The following FHOD3 variants were observed in gnomAD, a reference collection of about 807,000 sequenced individuals.
The protein encoded by FHOD3 is FH1/FH2 domain-containing protein 3.
In FHOD3, 90 loss-of-function variants were observed where a neutral mutation model predicts 173.0. The ratio of observed to expected loss-of-function variants is 0.52; its 90% CI spans 0.44 to 0.62. FHOD3 has a LOEUF of 0.62. Ranked by LOEUF, FHOD3 falls within the 20% of genes least tolerant of loss-of-function variation. FHOD3 has a pLI of 0.00. For missense variants in FHOD3, 1,945 were observed against 2,034.7 expected (o/e 0.96, Z 0.85); for synonymous variants, 828 against 823.0 (o/e 1.01, Z -0.10).
intron 16 of FHOD3, 33 bp downstream of exon 16, chr18:36,687,211 A>G (rs909398734): frequency 6.5e-7 from 1 of 1,527,684 alleles, no homozygotes; most frequent in Non-Finnish European, 9.0e-7. Context: ...ATTGTAACAA[A>G]TGGCATGTGA....
chr18:36,399,269 G>A (rs1478557725), intron 3 of FHOD3, among the ~76,000 whole-genome samples: 1 of 152,190 alleles, frequency 6.6e-6, no homozygotes, highest in Non-Finnish European at 1.5e-5. Flanking sequence ...GTCCCAAGGA[G>A]GGCAAGCATC....
intron 5 of FHOD3, among the ~76,000 whole-genome samples, chr18:36,539,511 GC>G (rs111692415): frequency 0.012 from 1,885 of 152,304 alleles, 42 homozygotes; most frequent in African/African-American, 0.042. Context: ...GCTCAGACGT[GC>G]CTGGAGTGGT....
chr18:36,477,540 C>T (rs375034635), intron 3 of FHOD3, among the ~76,000 whole-genome samples: 2 of 108,524 alleles, frequency 1.8e-5, no homozygotes, highest in Non-Finnish European at 1.9e-5. Context: ...CCCACCCACC[C>T]ACCCACCTAC....
At chr18:36,355,733 A>G (rs1461667411) in intron 2 of FHOD3, 88 bp downstream of exon 2, 3 of 1,063,520 alleles carry the variant, frequency 2.8e-6, no homozygotes, top group Non-Finnish European at 4.2e-6. Context: ...AGGAGGAACT[A>G]CCATGGCTTT....
intron 3 of FHOD3, among the ~76,000 whole-genome samples, chr18:36,497,365 C>T (rs553789822): frequency 1.3e-5 from 2 of 152,152 alleles, no homozygotes; most frequent in Non-Finnish European, 2.9e-5. Flanking sequence ...TGCCTGAGGT[C>T]TTTGGTTCTA....
intron 10 of FHOD3, among the ~76,000 whole-genome samples, chr18:36,645,232 C>A (rs769674320): frequency 6.6e-5 from 10 of 151,884 alleles, no homozygotes; most frequent in Non-Finnish European, 1.2e-4. Context: ...ACCAGCCTGG[C>A]AAACATGGTA....
At chr18:36,326,837 A>G (rs1475315412) in intron 1 of FHOD3, among the ~76,000 whole-genome samples, 2 of 152,202 alleles carry the variant, frequency 1.3e-5, no homozygotes, top group East Asian at 1.9e-4. Context: ...TTGGTTTGTG[A>G]AAAAGTCCAA....
intron 20 of FHOD3, among the ~76,000 whole-genome samples, chr18:36,732,551 C>T (rs575664750): frequency 1.3e-5 from 2 of 152,226 alleles, no homozygotes; most frequent in African/African-American, 2.4e-5. Context: ...TGTGTTCAAA[C>T]TTCCTTCTTC....
At chr18:36,614,744 C>T (rs1568496305) in intron 9 of FHOD3, among the ~76,000 whole-genome samples, 1 of 151,314 alleles carries the variant, frequency 6.6e-6, no homozygotes, top group Non-Finnish European at 1.5e-5. Flanking sequence ...TCCCTGTTGA[C>T]TAATGATGTT....
intron 3 of FHOD3, among the ~76,000 whole-genome samples, chr18:36,454,455 A>C (rs1259694023): frequency 6.6e-6 from 1 of 152,174 alleles, no homozygotes; most frequent in Non-Finnish European, 1.5e-5. Flanking sequence ...TAGTGTTCAC[A>C]TTATTAAGAT....
At chr18:36,544,655 T>C (rs1417903701) in intron 5 of FHOD3, 1 of 152,324 alleles carries the variant, frequency 6.6e-6, no homozygotes, top group African/African-American at 2.4e-5. Context: ...TGCGGAGCAG[T>C]CGGTGTGCTT....
chr18:36,386,324 G>A (rs879567806), intron 3 of FHOD3, among the ~76,000 whole-genome samples: 7 of 152,162 alleles, frequency 4.6e-5, no homozygotes, highest in Non-Finnish European at 1.0e-4. Context: ...GGGTGCTGGG[G>A]TTGGCAAGGG....
At chr18:36,408,562 A>G (rs1276956933) in intron 3 of FHOD3, among the ~76,000 whole-genome samples, 1 of 152,090 alleles carries the variant, frequency 6.6e-6, no homozygotes, top group African/African-American at 2.4e-5. Context: ...TGGCAAACAG[A>G]GGTAGCTCCA....
At chr18:36,422,418 C>CATGCAG (rs1262534123) in intron 3 of FHOD3, among the ~76,000 whole-genome samples, 1 of 152,106 alleles carries the variant, frequency 6.6e-6, no homozygotes, top group Non-Finnish European at 1.5e-5. Flanking sequence ...CTATTCTTGG[C>CATGCAG]CATGGTAAAC....
chr18:36,410,527 A>G (rs932735833), intron 3 of FHOD3, among the ~76,000 whole-genome samples: 1 of 151,630 alleles, frequency 6.6e-6, no homozygotes, highest in South Asian at 2.1e-4. Context: ...GGATGGTTAG[A>G]TCAGTTAGTA....
chr18:36,618,802 A>G (rs1391128392), intron 9 of FHOD3, among the ~76,000 whole-genome samples: 1 of 152,050 alleles, frequency 6.6e-6, no homozygotes, highest in Non-Finnish European at 1.5e-5. Flanking sequence ...TCACTGTTAT[A>G]GTAGCATCAT....
At chr18:36,353,157 T>A (rs1303306821) in intron 1 of FHOD3, among the ~76,000 whole-genome samples, 44 of 152,204 alleles carry the variant, frequency 2.9e-4, no homozygotes, top group Admixed American at 2.9e-3. Flanking sequence ...AATCAGATGA[T>A]CCATCTATAG....
At chr18:36,704,517 G>A (rs1001780268) in intron 17 of FHOD3, among the ~76,000 whole-genome samples, 11 of 152,176 alleles carry the variant, frequency 7.2e-5, no homozygotes, top group African/African-American at 2.4e-4. Flanking sequence ...TCCATCCAGG[G>A]TGGTTATGGA....
rs538908138 is a variant in FHOD3 at position 36,343,021 on chromosome 18, A to G, written c.166-12518A>G. Among the ~76,000 whole-genome samples the G allele has an allele frequency of 3.9e-5, 6 of 152,350 alleles. No individual in the cohort carries two copies. In the East Asian group the frequency reaches 1.2e-3, roughly 29 times the overall value. ...ATAATAAAAAGGGCAAACAACAACT[A>G]GTGTTGGTGAGATTGTAGAGAAATT... On this transcript the variant is annotated intron_variant, in intron 1 of 28. Coordinates refer to ENST00000590592, the MANE Select transcript of FHOD3 (RefSeq NM_001281740.3).
Sources: gnomAD v4.1 joint callset for allele counts (sites outside exome capture counted in the v4.1 genomes callset) on GRCh38, gnomAD v4.1.1 for gene constraint, MANE v1.5 for transcripts, NCBI Gene and HGNC (gene_info 2026-07-23, HGNC 2026-07-21) for gene names.